Variants in CELF4 observed in about 807,000 individuals in gnomAD.
CELF4 encodes the protein CUGBP Elav-like family member 4, also known as CUG-BP- and ETR-3-like factor 4.
Under a neutral mutation model 59.9 loss-of-function variants are expected in CELF4, and 18 were observed. That is an observed-to-expected ratio of 0.30 (90% CI 0.21 to 0.45). The LOEUF is 0.45. Among genes scored for constraint, CELF4 ranks in the 20% least tolerant of loss-of-function variants. The pLI is 1.00. For synonymous variants in CELF4, 261 were observed against 267.1 expected, an observed-to-expected ratio of 0.98 and a Z score of 0.22; for missense variants, 456 against 689.0, an observed-to-expected ratio of 0.66 and a Z score of 3.79.
At chr18:37,328,820 G>C (rs374534050) in intron 2 of CELF4, among the ~76,000 whole-genome samples, 1 of 152,102 alleles carries the variant, frequency 6.6e-6, no homozygotes, top group Admixed American at 6.6e-5. Flanking sequence ...AGACCCGCAC[G>C]CTAGAGCTCA....
chr18:37,268,865 G>A (rs1050781752), intron 8 of CELF4, among the ~76,000 whole-genome samples: 2 of 152,166 alleles, frequency 1.3e-5, no homozygotes, highest in African/African-American at 4.8e-5. Flanking sequence ...TTTTTTTAAT[G>A]TACTACTTTT....
At chr18:37,376,751 CA>C (rs1273316808) in intron 2 of CELF4, among the ~76,000 whole-genome samples, 1 of 152,208 alleles carries the variant, frequency 6.6e-6, no homozygotes, top group Non-Finnish European at 1.5e-5. Flanking sequence ...TTTCAGGGTG[CA>C]AGGGAGGGTA....
chr18:37,404,332 C>T (rs1280895893), intron 2 of CELF4, among the ~76,000 whole-genome samples: 1 of 152,218 alleles, frequency 6.6e-6, no homozygotes, highest in Non-Finnish European at 1.5e-5. Context: ...CAGACTACAC[C>T]CCACAGAAGA....
chr18:37,543,918 T>C (rs2099979473), intron 1 of CELF4, among the ~76,000 whole-genome samples: 1 of 152,100 alleles, frequency 6.6e-6, no homozygotes, highest in African/African-American at 2.4e-5. Context: ...TGGGGGACTC[T>C]GAGAGACTGA....
intron 3 of CELF4, among the ~76,000 whole-genome samples, chr18:37,316,672 G>A (rs1363378182): frequency 6.6e-6 from 1 of 151,920 alleles, no homozygotes; most frequent in African/African-American, 2.4e-5. Flanking sequence ...CCTCCTCCAG[G>A]AAGCCCTTCC....
chr18:37,252,023 C>T (rs975979408), intron 12 of CELF4, among the ~76,000 whole-genome samples: 4 of 152,094 alleles, frequency 2.6e-5, no homozygotes, highest in African/African-American at 7.2e-5. Context: ...AAGCACTCCC[C>T]CAGAGAGAAG....
At chr18:37,411,925 G>T (rs1292339491) in intron 2 of CELF4, among the ~76,000 whole-genome samples, 1 of 152,208 alleles carries the variant, frequency 6.6e-6, no homozygotes, top group East Asian at 1.9e-4. Flanking sequence ...GGGTAACTGT[G>T]CCCTCCAGCC....
rs1397711241 is a variant in CELF4, at chr18:37,565,643, G to C, written c.-2C>G. The C allele has an allele frequency of 1.3e-6, 2 of 1,576,788 alleles. No individual in the cohort carries two copies. The highest frequency in any genetic ancestry group is 1.7e-6 in the Non-Finnish European group (2 of 1,160,720). ...TAACGTGGCCATCTTTATATACATA[G>C]AGAAAATCTTCTTTCCTTTTATTCT... is the stretch of plus-strand genomic sequence containing the variant. On this transcript the variant is annotated 5_prime_UTR_variant, in exon 1 of 13. Transcript: ENST00000420428.
At chr18:37,266,144 A>G in intron 9 of CELF4, 1 of 348,666 alleles carries the variant, frequency 2.9e-6, no homozygotes, top group South Asian at 3.0e-5. Flanking sequence ...TGGGCCAGTG[A>G]CTGTGGCCCA....
intron 3 of CELF4, among the ~76,000 whole-genome samples, chr18:37,318,652 T>G (rs1440556386): frequency 8.5e-6 from 1 of 117,806 alleles, no homozygotes; most frequent in Non-Finnish European, 1.6e-5. Flanking sequence ...CACTTTCTAC[T>G]GCAAGAAGAA....
At chr18:37,466,421 G>C (rs1281360671) in intron 2 of CELF4, among the ~76,000 whole-genome samples, 1 of 151,994 alleles carries the variant, frequency 6.6e-6, no homozygotes, top group South Asian at 2.1e-4. Context: ...TTCATGGGGT[G>C]GGGGTGGGGA....
intron 12 of CELF4, among the ~76,000 whole-genome samples, chr18:37,249,859 G>A (rs1049358978): frequency 5.3e-5 from 8 of 152,140 alleles, no homozygotes; most frequent in Admixed American, 3.9e-4. Flanking sequence ...GGGCCAGGCC[G>A]AAAGCTACAG....
chr18:37,382,379 A>G (rs1288120561), intron 2 of CELF4, among the ~76,000 whole-genome samples: 1 of 152,194 alleles, frequency 6.6e-6, no homozygotes, highest in Admixed American at 6.5e-5. Flanking sequence ...ACAGGTCCAG[A>G]GAGGTTCAGA....
chr18:37,355,217 C>T (rs544587768), intron 2 of CELF4, among the ~76,000 whole-genome samples: 66 of 152,204 alleles, frequency 4.3e-4, no homozygotes, highest in African/African-American at 1.5e-3. Context: ...GAATGTGCTC[C>T]TTGTTACTGA....
chr18:37,408,226 T>C (rs1481084398), intron 2 of CELF4, among the ~76,000 whole-genome samples: 4 of 152,128 alleles, frequency 2.6e-5, no homozygotes, highest in African/African-American at 7.2e-5. Flanking sequence ...TTTGTTCTTA[T>C]TAGTAAGCAG....
chr18:37,258,095 T>C (rs534278023), intron 11 of CELF4, among the ~76,000 whole-genome samples: 2 of 152,352 alleles, frequency 1.3e-5, no homozygotes, highest in East Asian at 1.9e-4. Flanking sequence ...AATTCAAATT[T>C]AACTGGCCAT....
intron 3 of CELF4, among the ~76,000 whole-genome samples, chr18:37,297,279 G>T (rs1025384414): frequency 2.0e-5 from 3 of 152,324 alleles, no homozygotes; most frequent in East Asian, 1.9e-4. Flanking sequence ...CTGCCAAGGG[G>T]CCTTGAATCC....
Position 37,565,764 on chromosome 18 carries a change from C to T in CELF4, c.-123G>A, listed in dbSNP as rs2099988013. On this transcript the variant is annotated 5_prime_UTR_variant, in exon 1 of 13. Transcript: ENST00000420428. ...TCGGGTTCTCTCCCCCTCGGTTTCTCTACACCTCGCTCTCCGCTCGCTCTC... is the reference window on the plus strand; with the variant it reads ...TCGGGTTCTCTCCCCCTCGGTTTCTTTACACCTCGCTCTCCGCTCGCTCTC... 2 of 681,320 alleles carry T rather than the reference C, an allele frequency of 2.9e-6. No individual in the cohort carries two copies. The highest frequency in any genetic ancestry group is 5.2e-5 in the South Asian group (2 of 38,790). The allele number at this position is 681,320 out of a possible 1,614,324, so 42.2% of individuals were successfully genotyped here.
chr18:37,476,477 C>A (rs1489352494), intron 2 of CELF4, among the ~76,000 whole-genome samples: 8 of 152,226 alleles, frequency 5.3e-5, no homozygotes, highest in Non-Finnish European at 7.3e-5. Context: ...CCTAGAGAGA[C>A]CTTATCTCCC....
Sources: allele counts gnomAD v4.1 joint callset (sites outside exome capture counted in the v4.1 genomes callset), GRCh38; gene constraint gnomAD v4.1.1; transcripts MANE v1.5; gene names NCBI Gene and HGNC (gene_info 2026-07-23, HGNC 2026-07-21).